Variants in FAR2 observed in about 807,000 individuals in gnomAD.
FAR2 encodes the protein epididymis secretory protein Li 81.
FAR2 carries 19 observed loss-of-function variants against 56.0 expected under a neutral mutation model. That is an observed-to-expected ratio of 0.34 (90% CI 0.24 to 0.50). The LOEUF (loss-of-function observed/expected upper bound fraction) is 0.50. Among genes scored for constraint, FAR2 ranks in the 20% least tolerant of loss-of-function variants. The pLI is 0.98. For synonymous variants in FAR2, 219 were observed against 218.8 expected, an observed-to-expected ratio of 1.00 and a Z score of -0.01; for missense variants, 508 against 642.2, an observed-to-expected ratio of 0.79 and a Z score of 2.26.
chr12:29,259,615 C>G lies in FAR2; in HGVS notation c.-38-10797C>G, dbSNP rs79562382. Among the ~76,000 whole-genome samples, 458 of 152,270 alleles carry G rather than the reference C, an allele frequency of 3.0e-3. 2 individuals are homozygous for G. Among genetic ancestry groups the G allele is most frequent in the African/African-American group, 0.011 (444 of 41,538 alleles). On this transcript the variant is annotated intron_variant, in intron 1 of 11. Transcript: ENST00000536681. ...AACATTTGTTCTCTAGGAATTAGAA[C>G]AGGCTCATTTTATCACCAAAAGGAG...
chr12:29,296,933 G>C, intron 3 of FAR2, 88 bp from the exon 4 acceptor site: 1 of 1,257,404 alleles, frequency 8.0e-7, no homozygotes, highest in Non-Finnish European at 1.1e-6. Flanking sequence ...AATCTGATAG[G>C]TATGCCAGTT....
intron 1 of FAR2, among the ~76,000 whole-genome samples, chr12:29,237,231 T>C (rs1400944947): frequency 1.3e-5 from 2 of 152,196 alleles, no homozygotes; most frequent in African/African-American, 4.8e-5. Context: ...CCGCGGACTT[T>C]TGGAGGTACC....
intron 2 of FAR2, among the ~76,000 whole-genome samples, chr12:29,284,697 T>A (rs547123522): frequency 9.2e-5 from 14 of 152,206 alleles, no homozygotes; most frequent in Non-Finnish European, 1.8e-4. Context: ...AAGGCTTAGA[T>A]AAATTAATCT....
intron 1 of FAR2, among the ~76,000 whole-genome samples, chr12:29,238,516 T>C (rs1053310357): frequency 4.6e-5 from 7 of 152,092 alleles, no homozygotes; most frequent in Non-Finnish European, 8.8e-5. Context: ...TATTGGTGGC[T>C]GGAACTACAT....
intron 1 of FAR2, among the ~76,000 whole-genome samples, chr12:29,260,680 G>T (rs929533102): frequency 1.3e-5 from 2 of 152,136 alleles, no homozygotes; most frequent in Admixed American, 6.5e-5. Context: ...GTAGAAAAGA[G>T]CATCAAGTTA....
intron 1 of FAR2, among the ~76,000 whole-genome samples, chr12:29,150,515 C>T (rs548508347): frequency 6.6e-6 from 1 of 152,282 alleles, no homozygotes; most frequent in South Asian, 2.1e-4. Context: ...TTCAATTACC[C>T]ATCTCTGTAT....
intron 4 of FAR2, among the ~76,000 whole-genome samples, chr12:29,298,294 G>GTT (rs57445542): frequency 1.0e-4 from 15 of 145,508 alleles, no homozygotes; most frequent in East Asian, 4.0e-4. Context: ...AGTTTACCTT[G>GTT]TTTTTTTTTT....
chr12:29,286,362 C>T (rs547343506), intron 2 of FAR2, among the ~76,000 whole-genome samples: 1 of 152,258 alleles, frequency 6.6e-6, no homozygotes, highest in East Asian at 1.9e-4. Flanking sequence ...ATCTCTAAGT[C>T]CATACTTTCC....
At chr12:29,196,676 G>A (rs1950147053) in intron 1 of FAR2, among the ~76,000 whole-genome samples, 1 of 151,958 alleles carries the variant, frequency 6.6e-6, no homozygotes, top group Non-Finnish European at 1.5e-5. Flanking sequence ...AGAAAACTTA[G>A]GAAAAACTTC....
At position 29,281,337 on chromosome 12, in the gene FAR2, T is replaced by C. The variant is rs553560140; in HGVS notation, c.189+10699T>C. 7.9e-5 allele frequency: 12 copies of C among 152,286 alleles called. No homozygotes were observed. The East Asian group carries it at 9.6e-4, about 12-fold the overall frequency. 9.4% of individuals were successfully genotyped at this position (152,286 alleles called of 1,614,324 possible). On this transcript the variant is annotated intron_variant, in intron 2 of 11. Transcript: ENST00000536681. The stretch of plus-strand genomic sequence containing the variant: ...ATAAGGAAATCCTGATTAGCGAGTA[T>C]TGAGAAGCTTCCTACACTGGGAGTG...
chr12:29,277,615 G>GA (rs1948721821), intron 2 of FAR2: 4 of 152,176 alleles, frequency 2.6e-5, no homozygotes, highest in African/African-American at 9.6e-5. Context: ...ATTTGAGAGA[G>GA]AAAATAACAA....
At chr12:29,223,234 T>C (rs191748318) in intron 1 of FAR2, among the ~76,000 whole-genome samples, 236 of 152,284 alleles carry the variant, frequency 1.5e-3, no homozygotes, top group African/African-American at 5.4e-3. Flanking sequence ...AGGTTTGTGA[T>C]TGGAACCTAG....
chr12:29,162,468 C>G (rs1949789830), intron 1 of FAR2, among the ~76,000 whole-genome samples: 1 of 152,142 alleles, frequency 6.6e-6, no homozygotes. Context: ...ATAGCCTAGG[C>G]TGTTCAGTGT....
chr12:29,167,152 C>T (rs1033861588), intron 1 of FAR2, among the ~76,000 whole-genome samples: 2 of 152,206 alleles, frequency 1.3e-5, no homozygotes, highest in South Asian at 2.1e-4. Context: ...ACAAATCCAT[C>T]GCTATCCCCA....
intron 1 of FAR2, among the ~76,000 whole-genome samples, chr12:29,245,148 T>G (rs1758268646): frequency 6.6e-6 from 1 of 152,082 alleles, no homozygotes; most frequent in Admixed American, 6.5e-5. Context: ...TCCCAGCTGA[T>G]TTTTGTATTT....
chr12:29,176,442 A>G (rs1417871202), intron 1 of FAR2, among the ~76,000 whole-genome samples: 1 of 152,204 alleles, frequency 6.6e-6, no homozygotes, highest in Non-Finnish European at 1.5e-5. Flanking sequence ...CAACGTTTTG[A>G]ACATCTTTAG....
intron 1 of FAR2, among the ~76,000 whole-genome samples, chr12:29,195,813 T>C (rs1950139138): frequency 6.6e-6 from 1 of 152,272 alleles, no homozygotes; most frequent in East Asian, 1.9e-4. Context: ...ATCACTCAAA[T>C]AATGTACATT....
chr12:29,243,337 T>C (rs371126268), intron 1 of FAR2, among the ~76,000 whole-genome samples: 3 of 152,202 alleles, frequency 2.0e-5, no homozygotes, highest in African/African-American at 7.2e-5. Context: ...CAAGTCTGAC[T>C]TATAGCAGGC....
In FAR2 at chr12:29,324,393, G is replaced by T. The variant is rs571232979; in HGVS notation, c.1257+2469G>T. On this transcript the variant is annotated intron_variant, in intron 10 of 11. Coordinates refer to ENST00000536681, the MANE Select transcript of FAR2 (RefSeq NM_001271783.2). ...CCAACATTCAAATTCAGGAAATACAGAGAATGCCACAAAGATACTCCTCGA... is the reference window on the plus strand; with the variant it reads ...CCAACATTCAAATTCAGGAAATACATAGAATGCCACAAAGATACTCCTCGA... 1.2e-4 allele frequency among the ~76,000 whole-genome samples: 18 copies of T among 152,274 alleles called. No homozygotes were observed. The East Asian group carries it at 1.5e-3, about 13-fold the overall frequency.
Sources: allele counts gnomAD v4.1 joint callset (sites outside exome capture counted in the v4.1 genomes callset), GRCh38; gene constraint gnomAD v4.1.1; transcripts MANE v1.5; gene names NCBI Gene and HGNC (gene_info 2026-07-23, HGNC 2026-07-21).